TTC3: variants seen among roughly 807,000 people sequenced by gnomAD.
The protein encoded by TTC3 is tetratricopeptide repeat domain 3, also known as E3 ubiquitin-protein ligase TTC3.
In TTC3, 180 loss-of-function variants were observed where a neutral mutation model predicts 249.6. The ratio of observed to expected loss-of-function variants is 0.72; its 90% CI spans 0.64 to 0.82. The LOEUF is 0.82. TTC3 is among the 40% of genes least tolerant of loss of function. The probability of loss-of-function intolerance (pLI) is 0.00; values close to 1 mark genes in which losing one functional copy is unlikely to be tolerated. For missense variants in TTC3, 2,061 were observed against 2,398.4 expected, an observed-to-expected ratio of 0.86 and a Z score of 2.94; for synonymous variants, 717 against 805.0, an observed-to-expected ratio of 0.89 and a Z score of 1.85.
rs139582379 is a variant in TTC3, at chr21:37,144,636, A to G, written c.1884A>G (p.Gln628=). Residue 628 remains glutamine, a synonymous_variant, in exon 21 of 46, where the codon CAA becomes CAG. Coordinates refer to ENST00000355666, the Ensembl canonical transcript of TTC3. The stretch of plus-strand genomic sequence containing the variant: ...TGATTATTGAAGAGTCTCAGCCACA[A>G]AAAATAAAGGTAACCATTTATTTTT... 1.5e-4 allele frequency: 247 copies of G among 1,607,610 alleles called. 1 individual carries two copies. The African/African-American group carries it at 2.7e-3, about 18-fold the overall frequency.
chr21:37,161,799 A>C (rs946956177), intron 30 of TTC3, among the ~76,000 whole-genome samples, 191 bp from the exon 31 acceptor site: 1 of 152,202 alleles, frequency 6.6e-6, no homozygotes, highest in Admixed American at 6.5e-5. Flanking sequence ...CTAAATGTTA[A>C]TTTGAGCTTA....
At chr21:37,199,740 A>G (rs973282032) in intron 44 of TTC3, among the ~76,000 whole-genome samples, 2 of 152,212 alleles carry the variant, frequency 1.3e-5, no homozygotes, top group African/African-American at 4.8e-5. Flanking sequence ...AGTGAGTTAT[A>G]TATGATACAT....
chr21:37,178,563 T>C (rs1216092631), intron 35 of TTC3, among the ~76,000 whole-genome samples: 1 of 152,238 alleles, frequency 6.6e-6, no homozygotes, highest in Non-Finnish European at 1.5e-5. Context: ...GTTGAGCATC[T>C]TTTCATATGC....
intron 39 of TTC3, among the ~76,000 whole-genome samples, chr21:37,189,697 G>A (rs543171841): frequency 7.2e-5 from 11 of 151,982 alleles, no homozygotes; most frequent in East Asian, 5.8e-4. Flanking sequence ...ACAGGTGCCC[G>A]CCACCACTCC....
intron 31 of TTC3, among the ~76,000 whole-genome samples, chr21:37,162,503 C>T (rs1001110355): frequency 1.1e-4 from 16 of 152,194 alleles, no homozygotes; most frequent in Non-Finnish European, 2.2e-4. Flanking sequence ...TTTTCAATGC[C>T]ATCTGGTTGT....
chr21:37,190,130 CTTT>C (rs138862573), intron 39 of TTC3, among the ~76,000 whole-genome samples: 15 of 65,046 alleles, frequency 2.3e-4, no homozygotes, highest in South Asian at 1.0e-3. Context: ...CTTTTTCTTT[CTTT>C]TTTTTTTTTT....
chr21:37,118,544 G>C (rs1019758315), intron 11 of TTC3, among the ~76,000 whole-genome samples: 1 of 152,146 alleles, frequency 6.6e-6, no homozygotes. Flanking sequence ...TTTAAATTTT[G>C]AGGGGCGCAT....
intron 34 of TTC3, among the ~76,000 whole-genome samples, chr21:37,169,630 C>G (rs1427562199): frequency 1.3e-5 from 2 of 149,886 alleles, no homozygotes; most frequent in Non-Finnish European, 3.0e-5. Flanking sequence ...GTGGGTGGAT[C>G]ACGAGGTTAG....
chr21:37,092,277 C>T (rs2073373973), intron 7 of TTC3, among the ~76,000 whole-genome samples: 1 of 152,168 alleles, frequency 6.6e-6, no homozygotes. Context: ...GCAAATTTTG[C>T]ACTATTGACT....
intron 21 of TTC3, among the ~76,000 whole-genome samples, chr21:37,147,068 G>T (rs2079044507): frequency 1.3e-5 from 2 of 152,144 alleles, no homozygotes; most frequent in African/African-American, 2.4e-5. Context: ...TAATGGGAGT[G>T]TTAGGATTCT....
chr21:37,162,164 A>G, intron 31 of TTC3, 101 bp downstream of exon 31: 3 of 690,042 alleles, frequency 4.3e-6, no homozygotes, highest in Non-Finnish European at 6.8e-6. Flanking sequence ...TTATTTCCCT[A>G]ACTTTCCTTT....
intron 14 of TTC3, 74 bp from the exon 15 acceptor site, chr21:37,126,006 T>G: frequency 7.0e-6 from 10 of 1,423,346 alleles, no homozygotes; most frequent in Non-Finnish European, 9.6e-6. Context: ...TTCTAAATTC[T>G]TTTATATAGC....
intron 11 of TTC3, among the ~76,000 whole-genome samples, chr21:37,111,783 G>A (rs1486046743): frequency 6.6e-6 from 1 of 152,064 alleles, no homozygotes; most frequent in Non-Finnish European, 1.5e-5. Flanking sequence ...TTCCAAAATT[G>A]ACCGCATAGT....
In TTC3 at chr21:37,197,705, T is replaced by C; in HGVS notation, c.5706+9T>C. 6.3e-7 allele frequency: 1 copy of C among 1,597,218 alleles called. No individual in the cohort carries two copies. Among genetic ancestry groups the C allele is most frequent in the South Asian group, 1.1e-5 (1 of 87,634 alleles). ...AACAGAAAAAGAAAAAGGTATTTTA[T>C]CTAGATGTTCCAGTTTATCCTTATT... On this transcript the variant is annotated intron_variant, in intron 43 of 45. Transcript: ENST00000355666.
intron 28 of TTC3, 24 bp downstream of exon 28, chr21:37,156,930 A>G (rs775386005): frequency 3.1e-6 from 5 of 1,601,038 alleles, no homozygotes; most frequent in Non-Finnish European, 4.3e-6. Flanking sequence ...GTTTAGACTT[A>G]TATTACATTT....
chr21:37,112,475 C>T (rs1427500071), intron 11 of TTC3, among the ~76,000 whole-genome samples: 2 of 152,182 alleles, frequency 1.3e-5, no homozygotes, highest in Admixed American at 1.3e-4. Context: ...CATACACTCT[C>T]CCAAGACTAA....
chr21:37,073,360 C>T (rs2070299125), exon 1 of TTC3: 3 of 940,114 alleles, frequency 3.2e-6, no homozygotes, highest in African/African-American at 1.8e-5. Context: ...GGGCGGCGGG[C>T]CCGGGTGAGT....
chr21:37,121,844 T>C (rs757992836), exon 12 of TTC3: 2 of 1,607,030 alleles, frequency 1.2e-6, no homozygotes, highest in Non-Finnish European at 1.7e-6. Flanking sequence ...TGATGCTCTT[T>C]CTATGCTGGG....
At chr21:37,144,899 A>G (rs2078853982) in intron 21 of TTC3, among the ~76,000 whole-genome samples, 1 of 152,136 alleles carries the variant, frequency 6.6e-6, no homozygotes, top group African/African-American at 2.4e-5. Context: ...TTCCCATTTT[A>G]CAGATGAGGA....
Sources: gnomAD v4.1 joint callset for allele counts (sites outside exome capture counted in the v4.1 genomes callset) on GRCh38, gnomAD v4.1.1 for gene constraint, MANE v1.5 for transcripts, NCBI Gene and HGNC (gene_info 2026-07-23, HGNC 2026-07-21) for gene names.